CDC42EP3: variants seen among roughly 807,000 people sequenced by gnomAD.
The protein encoded by CDC42EP3 is CDC42 effector protein 3.
Under a neutral mutation model 15.5 loss-of-function variants are expected in CDC42EP3, and 4 were observed. The observed-to-expected ratio is 0.26, with a 90% CI of 0.13 to 0.59. The LOEUF (loss-of-function observed/expected upper bound fraction) is 0.59, where lower values mean the gene tolerates loss of function less well. Among genes scored for constraint, CDC42EP3 ranks in the 20% least tolerant of loss-of-function variants. CDC42EP3 has a pLI of 0.89. For synonymous variants in CDC42EP3, 145 were observed against 130.3 expected (o/e 1.11, Z -0.77); for missense variants, 309 against 311.2 (o/e 0.99, Z 0.05).
intron 1 of CDC42EP3, among the ~76,000 whole-genome samples, chr2:37,654,414 T>C (rs1665784442): frequency 6.6e-6 from 1 of 152,156 alleles, no homozygotes. Context: ...GAAGGATTCA[T>C]TTAATTGTAA....
At chr2:37,672,834 C>G (rs1666477549), upstream of CDC42EP3, among the ~76,000 whole-genome samples, 1 of 152,200 alleles carries the variant, frequency 6.6e-6, no homozygotes, top group Non-Finnish European at 1.5e-5. Flanking sequence ...GATACCTTGG[C>G]TTTGCCGAGA....
At chr2:37,657,871 A>G (rs545733602) in intron 1 of CDC42EP3, among the ~76,000 whole-genome samples, 76 of 152,310 alleles carry the variant, frequency 5.0e-4, no homozygotes, top group Non-Finnish European at 9.1e-4. Context: ...TACAGTGTAC[A>G]GGACAACTCC....
chr2:37,659,026 T>C (rs1417460672), intron 1 of CDC42EP3, among the ~76,000 whole-genome samples: 1 of 152,144 alleles, frequency 6.6e-6, no homozygotes, highest in Non-Finnish European at 1.5e-5. Context: ...TGCAACTGAA[T>C]CTCCTGCCAG....
chr2:37,648,723 C>A (rs1302586076), intron 1 of CDC42EP3, among the ~76,000 whole-genome samples: 2 of 152,112 alleles, frequency 1.3e-5, no homozygotes, highest in African/African-American at 4.8e-5. Flanking sequence ...TAATTTGGGT[C>A]TTGTTGTGGT....
intron 1 of CDC42EP3, among the ~76,000 whole-genome samples, chr2:37,651,293 T>G (rs758648597): frequency 6.6e-6 from 1 of 152,220 alleles, no homozygotes; most frequent in Non-Finnish European, 1.5e-5. Context: ...CTTTTATGAT[T>G]TTGGATTTTC....
chr2:37,647,415 C>T (rs1315696322), intron 1 of CDC42EP3: 1 of 152,142 alleles, frequency 6.6e-6, no homozygotes, highest in Non-Finnish European at 1.5e-5. Context: ...AACATATAGC[C>T]AGTAAATAAG....
Position 37,651,119 on chromosome 2 carries a change from G to A in CDC42EP3, c.-235-4297C>T, listed in dbSNP as rs1240774330. ...GCTCATCCGAGAAGAGCCCAAAGAT[G>A]TACATCATCAAAGGAAAAAAAAAGA... is the stretch of plus-strand genomic sequence containing the variant. On this transcript the variant is annotated intron_variant, in intron 1 of 1. Coordinates refer to ENST00000295324, the MANE Select transcript of CDC42EP3 (RefSeq NM_006449.5). Among the ~76,000 whole-genome samples the A allele has an allele frequency of 2.0e-5, 3 of 151,884 alleles. No homozygotes were observed. In the East Asian group the frequency reaches 5.8e-4, roughly 29 times the overall value.
At chr2:37,666,708 T>C (rs2124637867) in intron 1 of CDC42EP3, among the ~76,000 whole-genome samples, 1 of 152,292 alleles carries the variant, frequency 6.6e-6, no homozygotes, top group South Asian at 2.1e-4. Context: ...TAAAACTGTA[T>C]GGTTAAAATT....
At position 37,643,959 on chromosome 2, in the gene CDC42EP3, TA is replaced by T. The variant is rs1252381916; in HGVS notation, c.*1863del. On this transcript the variant is annotated 3_prime_UTR_variant, in exon 2 of 2. Coordinates refer to ENST00000295324, the MANE Select transcript of CDC42EP3 (RefSeq NM_006449.5). ...TCCAACACAAATTTTTAAACTTTCT[TA>T]AAACAGTCTGAGATTTTTTTTTTTT... 6.7e-6 allele frequency: 1 copy of T among 150,218 alleles called. No individual in the cohort carries two copies. The highest frequency in any genetic ancestry group is 1.5e-5 in the Non-Finnish European group (1 of 67,770). 9.3% of individuals were successfully genotyped at this position (150,218 alleles called of 1,614,324 possible).
At chr2:37,665,714 AAAT>A (rs1162953687) in intron 1 of CDC42EP3, among the ~76,000 whole-genome samples, 5 of 152,338 alleles carry the variant, frequency 3.3e-5, no homozygotes, top group African/African-American at 7.2e-5. Context: ...GAAGCTGTCT[AAAT>A]AGAGGCCTGA....
At chr2:37,655,999 C>G (rs567028245) in intron 1 of CDC42EP3, among the ~76,000 whole-genome samples, 2 of 152,368 alleles carry the variant, frequency 1.3e-5, no homozygotes, top group East Asian at 1.9e-4. Context: ...TTAACCCATA[C>G]TACCTTGGAG....
intron 1 of CDC42EP3, among the ~76,000 whole-genome samples, chr2:37,652,026 T>C (rs1665697993): frequency 6.6e-6 from 1 of 151,078 alleles, no homozygotes; most frequent in African/African-American, 2.4e-5. Flanking sequence ...ATACAAAAAA[T>C]TAGCCGGGCC....
intron 1 of CDC42EP3, among the ~76,000 whole-genome samples, chr2:37,654,893 A>C (rs1665799832): frequency 6.6e-6 from 1 of 152,204 alleles, no homozygotes; most frequent in African/African-American, 2.4e-5. Flanking sequence ...TGCTTCTCTG[A>C]ATAATTTTAA....
intron 1 of CDC42EP3, among the ~76,000 whole-genome samples, chr2:37,651,820 T>C (rs2124617430): frequency 6.6e-6 from 1 of 152,244 alleles, no homozygotes; most frequent in Admixed American, 6.5e-5. Context: ...ACAGATAACC[T>C]TTGATGATGG....
chr2:37,652,174 CAAAAAAAA>C (rs61407687), intron 1 of CDC42EP3, among the ~76,000 whole-genome samples: 2 of 39,118 alleles, frequency 5.1e-5, no homozygotes, highest in Non-Finnish European at 8.5e-5. Flanking sequence ...GACTCCCTCT[CAAAAAAAA>C]AAAAAAAAAA....
chr2:37,662,123 G>A (rs1666074723), intron 1 of CDC42EP3, among the ~76,000 whole-genome samples: 1 of 151,998 alleles, frequency 6.6e-6, no homozygotes, highest in Non-Finnish European at 1.5e-5. Flanking sequence ...AGTAAGACTA[G>A]CCTTAGAATC....
intron 1 of CDC42EP3, among the ~76,000 whole-genome samples, chr2:37,657,740 G>A (rs547486717): frequency 6.6e-6 from 1 of 152,216 alleles, no homozygotes; most frequent in African/African-American, 2.4e-5. Flanking sequence ...CTCAACTGAG[G>A]GTGATATTTG....
chr2:37,644,621 C>CT lies in CDC42EP3; in HGVS notation c.*1201dup. ...ACTGAGAGGGTGGCATCAGTGCTGA[C>CT]TTAAAAAAAAAAAAAAAAATCTGAC... is the stretch of plus-strand genomic sequence containing the variant. On this transcript the variant is annotated 3_prime_UTR_variant, in exon 2 of 2. Transcript: ENST00000295324. 1 of 129,056 alleles carries CT rather than the reference C, an allele frequency of 7.7e-6. No individual in the cohort carries two copies. Among genetic ancestry groups the CT allele is most frequent in the Non-Finnish European group, 1.6e-5 (1 of 64,190 alleles). The allele number at this position is 129,056 out of a possible 1,614,324, so 8.0% of individuals were successfully genotyped here. A position where few individuals can be genotyped will look rare whatever the true frequency, so the allele number is the denominator to read the frequency against.
chr2:37,646,782 G>T lies in CDC42EP3; in HGVS notation c.-195C>A. Reference sequence around the variant, plus strand: ...ACGGCCAAGTGAGGCTTCCTAGAGAGCCAGTTACATCATCCAGTCTTGACC... The same window carrying T: ...ACGGCCAAGTGAGGCTTCCTAGAGATCCAGTTACATCATCCAGTCTTGACC... On this transcript the variant is annotated 5_prime_UTR_variant, in exon 2 of 2. Transcript: ENST00000295324. The T allele has an allele frequency of 3.6e-6, 2 of 547,946 alleles. No individual in the cohort carries two copies. The allele number at this position is 547,946 out of a possible 1,614,324, so 33.9% of individuals were successfully genotyped here.
Sources: allele counts gnomAD v4.1 joint callset (sites outside exome capture counted in the v4.1 genomes callset), GRCh38; gene constraint gnomAD v4.1.1; transcripts MANE v1.5; gene names NCBI Gene and HGNC (gene_info 2026-07-23, HGNC 2026-07-21).